Variants in ZDHHC7 observed in about 807,000 individuals in gnomAD.
ZDHHC7 encodes palmitoyltransferase ZDHHC7.
Under a neutral mutation model 34.1 loss-of-function variants are expected in ZDHHC7, and 12 were observed. The observed-to-expected ratio is 0.35, with a 90% CI of 0.23 to 0.57. The LOEUF (loss-of-function observed/expected upper bound fraction) is 0.57, where lower values mean the gene tolerates loss of function less well. ZDHHC7 is among the 20% of genes least tolerant of loss of function. ZDHHC7 has a pLI of 0.84. For synonymous variants in ZDHHC7, 185 were observed against 155.4 expected, an observed-to-expected ratio of 1.19 and a Z score of -1.42; for missense variants, 388 against 402.7, an observed-to-expected ratio of 0.96 and a Z score of 0.31.
At chr16:85,000,233 T>C (rs2072635933) in intron 1 of ZDHHC7, among the ~76,000 whole-genome samples, 1 of 152,154 alleles carries the variant, frequency 6.6e-6, no homozygotes, top group South Asian at 2.1e-4. Flanking sequence ...AGCACAGGTA[T>C]GTACGGCCGG....
At chr16:85,009,950 C>T (rs547318952) in intron 1 of ZDHHC7, among the ~76,000 whole-genome samples, 6 of 152,104 alleles carry the variant, frequency 3.9e-5, no homozygotes, top group South Asian at 2.1e-4. Flanking sequence ...CTTCGTGATC[C>T]GCCCGCCTCG....
chr16:85,020,498 T>C, the ZDHHC7 span, among the ~76,000 whole-genome samples: 1 of 151,884 alleles, frequency 6.6e-6, no homozygotes, highest in Non-Finnish European at 1.5e-5. Flanking sequence ...GGTCTGGAGG[T>C]CACATGCAGG....
At chr16:84,995,708 A>G (rs1218835744) in intron 2 of ZDHHC7, among the ~76,000 whole-genome samples, 1 of 152,214 alleles carries the variant, frequency 6.6e-6, no homozygotes, top group Non-Finnish European at 1.5e-5. Context: ...GATACTGGCC[A>G]AGAACTCATC....
In ZDHHC7 at chr16:84,977,961, T is replaced by C. The variant is rs753529312; in HGVS notation, c.582A>G (p.Gly194=). 5 of 1,613,976 alleles carry C rather than the reference T, an allele frequency of 3.1e-6. No individual in the cohort carries two copies. In the Admixed American group the frequency reaches 5.0e-5, roughly 16 times the overall value. Residue 194 remains glycine, a synonymous_variant, in exon 6 of 8, where the codon GGA becomes GGG. Coordinates refer to ENST00000313732, the MANE Select transcript of ZDHHC7 (RefSeq NM_017740.3). ...LSSVHALILC[G]FQFISCVRGQ... is the part of the protein sequence containing the mutation. The stretch of plus-strand genomic sequence containing the variant: ...CTCGGACACAGGAGATGAACTGAAA[T>C]CCACAAAGGATCAGAGCATGGACTG...
Position 84,981,968 on chromosome 16 carries a change from C to T in ZDHHC7, c.342G>A (p.Thr114=), listed in dbSNP as rs540655035. Residue 114 remains threonine, a synonymous_variant, in exon 4 of 8, where the codon ACG becomes ACA. Transcript: ENST00000313732. ...GCTGCAAGCTCTCCATGTATTCTTTCGTAGCGTTTCCTTTGGGTACTGCCC... is the reference window on the plus strand; with the variant it reads ...GCTGCAAGCTCTCCATGTATTCTTTTGTAGCGTTTCCTTTGGGTACTGCCC... The part of the protein sequence containing the change: ...DPGAVPKGNA[T]KEYMESLQLK... 16 of 1,614,180 alleles carry T rather than the reference C, an allele frequency of 9.9e-6. No individual in the cohort carries two copies. The highest frequency in any genetic ancestry group is 5.5e-5 in the South Asian group (5 of 91,080).
At chr16:84,982,607 T>C (rs963223139) in intron 3 of ZDHHC7, among the ~76,000 whole-genome samples, 1 of 152,004 alleles carries the variant, frequency 6.6e-6, no homozygotes, top group Non-Finnish European at 1.5e-5. Flanking sequence ...AACAAAACAA[T>C]CTCAAAAAGG....
At chr16:85,020,134 A>T in the ZDHHC7 span, among the ~76,000 whole-genome samples, 1 of 152,242 alleles carries the variant, frequency 6.6e-6, no homozygotes, top group African/African-American at 2.4e-5. Flanking sequence ...GTGCCAAGCC[A>T]GCCTCCTCGA....
At chr16:85,022,376 T>C in the ZDHHC7 span, among the ~76,000 whole-genome samples, 2 of 151,446 alleles carry the variant, frequency 1.3e-5, no homozygotes, top group African/African-American at 2.4e-5. Flanking sequence ...CAAAAAAAAT[T>C]AGCCAGGCAT....
intron 1 of ZDHHC7, among the ~76,000 whole-genome samples, chr16:85,006,096 G>A (rs931297811): frequency 2.0e-5 from 3 of 152,194 alleles, no homozygotes; most frequent in Non-Finnish European, 2.9e-5. Context: ...AGAGGTGGCG[G>A]CTCACACTTG....
the ZDHHC7 span, among the ~76,000 whole-genome samples, chr16:85,024,236 T>G: frequency 5.4e-5 from 8 of 148,160 alleles, no homozygotes; most frequent in Admixed American, 1.3e-4. Context: ...TTTTGTTTTT[T>G]TTTTTTTTTT....
the ZDHHC7 span, among the ~76,000 whole-genome samples, chr16:85,018,535 T>A: frequency 6.6e-6 from 1 of 151,836 alleles, no homozygotes; most frequent in Admixed American, 6.6e-5. Context: ...GCAACCTCCA[T>A]CTCCCAGGTT....
the ZDHHC7 span, among the ~76,000 whole-genome samples, chr16:85,021,409 CAAA>C: frequency 9.4e-5 from 8 of 85,466 alleles, no homozygotes; most frequent in South Asian, 4.0e-4. Flanking sequence ...AGACTCCATC[CAAA>C]AAAAAAAAAA....
chr16:85,023,726 C>G, the ZDHHC7 span, among the ~76,000 whole-genome samples: 1 of 152,094 alleles, frequency 6.6e-6, no homozygotes, highest in Admixed American at 6.6e-5. Context: ...TCAAGCAACC[C>G]TCTAACCTCA....
intron 4 of ZDHHC7, among the ~76,000 whole-genome samples, chr16:84,979,610 G>A (rs927724932): frequency 6.6e-6 from 1 of 152,082 alleles, no homozygotes; most frequent in Non-Finnish European, 1.5e-5. Context: ...AAGCTTACAA[G>A]TCTATTTCAA....
chr16:84,998,602 C>T (rs73255964), intron 1 of ZDHHC7, among the ~76,000 whole-genome samples: 3,442 of 152,176 alleles, frequency 0.023, 132 homozygotes, highest in African/African-American at 0.077. Context: ...CACCTGGGCC[C>T]GCTCTGTGGA....
At chr16:84,980,061 C>G (rs959033972) in intron 4 of ZDHHC7, among the ~76,000 whole-genome samples, 1 of 150,584 alleles carries the variant, frequency 6.6e-6, no homozygotes, top group Non-Finnish European at 1.5e-5. Context: ...CCCGGGTTCA[C>G]GCCATTCTCC....
At chr16:85,016,940 T>TCC in the ZDHHC7 span, among the ~76,000 whole-genome samples, 1 of 148,958 alleles carries the variant, frequency 6.7e-6, no homozygotes, top group Non-Finnish European at 1.5e-5. Flanking sequence ...GATTTCTTTT[T>TCC]TCTTTTGCTT....
upstream of ZDHHC7, among the ~76,000 whole-genome samples, chr16:85,011,920 C>A (rs2072799952): frequency 6.6e-6 from 1 of 152,206 alleles, no homozygotes; most frequent in African/African-American, 2.4e-5. Context: ...GTGGAAATGG[C>A]TGAGCCAGAA....
chr16:85,022,872 G>A, the ZDHHC7 span, among the ~76,000 whole-genome samples: 1 of 152,136 alleles, frequency 6.6e-6, no homozygotes, highest in Non-Finnish European at 1.5e-5. Flanking sequence ...GAACAATCAG[G>A]AAAATCTAAA....
Sources: allele counts gnomAD v4.1 joint callset (sites outside exome capture counted in the v4.1 genomes callset), GRCh38; gene constraint gnomAD v4.1.1; transcripts MANE v1.5; gene names NCBI Gene and HGNC (gene_info 2026-07-23, HGNC 2026-07-21).